The following PRKAG2 variants were observed in gnomAD, a reference collection of about 807,000 sequenced individuals.
The protein encoded by PRKAG2 is protein kinase AMP-activated non-catalytic subunit gamma 2, also known as 5'-AMP-activated protein kinase subunit gamma-2.
A neutral mutation model predicts 69.6 loss-of-function variants in PRKAG2; 26 were observed. That is an observed-to-expected ratio of 0.37 (90% CI 0.27 to 0.52). The LOEUF is 0.52. PRKAG2 is among the 20% of genes least tolerant of loss of function. PRKAG2 has a pLI of 0.90. For missense variants in PRKAG2, 557 were observed against 740.0 expected (o/e 0.75, Z 2.87); for synonymous variants, 293 against 285.0 (o/e 1.03, Z -0.28).
At chr7:151,871,108 C>A (rs1762070395) in intron 1 of PRKAG2, among the ~76,000 whole-genome samples, 1 of 152,172 alleles carries the variant, frequency 6.6e-6, no homozygotes, top group African/African-American at 2.4e-5. Flanking sequence ...GAAACAGTTC[C>A]AGAGACACAC....
At chr7:151,709,679 TTGTG>T (rs1237438918) in intron 3 of PRKAG2, among the ~76,000 whole-genome samples, 1 of 152,124 alleles carries the variant, frequency 6.6e-6, no homozygotes, top group Non-Finnish European at 1.5e-5. Flanking sequence ...ACATGTGACA[TTGTG>T]TGACACACAC....
chr7:151,821,037 C>G (rs1166377567), intron 1 of PRKAG2, among the ~76,000 whole-genome samples: 1 of 152,120 alleles, frequency 6.6e-6, no homozygotes, highest in African/African-American at 2.4e-5. Context: ...GGACCTCAGT[C>G]CCGGCCAGAA....
chr7:151,805,490 G>C (rs1265063908), intron 1 of PRKAG2, among the ~76,000 whole-genome samples: 3 of 152,192 alleles, frequency 2.0e-5, no homozygotes, highest in Non-Finnish European at 4.4e-5. Context: ...TTAAGTTTTG[G>C]GGTGGTTTGT....
At chr7:151,604,160 G>C (rs1816910467) in intron 5 of PRKAG2, among the ~76,000 whole-genome samples, 1 of 152,160 alleles carries the variant, frequency 6.6e-6, no homozygotes, top group Admixed American at 6.5e-5. Flanking sequence ...GGGAGCTGTG[G>C]GAGTGTGGCT....
intron 4 of PRKAG2, among the ~76,000 whole-genome samples, chr7:151,642,259 T>G (rs192551274): frequency 1.9e-3 from 292 of 151,246 alleles, no homozygotes; most frequent in African/African-American, 6.6e-3. Context: ...AGGAGAATGG[T>G]GTGAACATGG....
intron 3 of PRKAG2, among the ~76,000 whole-genome samples, chr7:151,684,745 G>C (rs559250071): frequency 6.6e-6 from 1 of 152,094 alleles, no homozygotes; most frequent in Non-Finnish European, 1.5e-5. Flanking sequence ...CAGTGTGGAG[G>C]TGAGAAATCC....
chr7:151,620,594 C>T (rs1821258028), intron 5 of PRKAG2, among the ~76,000 whole-genome samples: 1 of 152,064 alleles, frequency 6.6e-6, no homozygotes, highest in Non-Finnish European at 1.5e-5. Context: ...CCTCCTGTCT[C>T]AGCCTCCTGA....
In PRKAG2 at chr7:151,567,378, G is replaced by T. The variant is rs926783889; in HGVS notation, c.1233+1338C>A. Among the ~76,000 whole-genome samples the T allele has an allele frequency of 1.3e-5, 2 of 152,194 alleles. No individual in the cohort carries two copies. Among genetic ancestry groups the T allele is most frequent in the African/African-American group, 4.8e-5 (2 of 41,442 alleles). On this transcript the variant is annotated intron_variant, in intron 11 of 15. Coordinates refer to ENST00000287878, the MANE Select transcript of PRKAG2 (RefSeq NM_016203.4). This position sits in a 1 kb window ranked among gnomAD's most constrained non-coding sequence, Gnocchi z 4.2. ...AAAATACCTACCTGATAGGGTAGCA[G>T]CGAGGATGAGATTATGTCAAGTGCT...
chr7:151,681,755 C>T (rs1833920019), intron 3 of PRKAG2, among the ~76,000 whole-genome samples: 2 of 152,132 alleles, frequency 1.3e-5, no homozygotes, highest in Admixed American at 6.5e-5. Flanking sequence ...ACTGTCCTGA[C>T]TCTATAACCC....
intron 3 of PRKAG2, among the ~76,000 whole-genome samples, chr7:151,709,085 C>T (rs1839105752): frequency 6.6e-6 from 1 of 151,732 alleles, no homozygotes; most frequent in Non-Finnish European, 1.5e-5. Flanking sequence ...GTGACACTGA[C>T]ACGTGATATT....
chr7:151,842,371 T>C (rs773804506), intron 1 of PRKAG2, among the ~76,000 whole-genome samples: 18 of 99,220 alleles, frequency 1.8e-4, no homozygotes, highest in Non-Finnish European at 2.6e-4. Flanking sequence ...GGGATGGTAG[T>C]GATGGTAGGT....
chr7:151,565,915 G>T, intron 11 of PRKAG2, 30 bp from the exon 12 acceptor site: 1 of 1,596,114 alleles, frequency 6.3e-7, no homozygotes, highest in South Asian at 1.1e-5. Context: ...AAACGTTCTA[G>T]ACCCAGAACA....
intron 1 of PRKAG2, among the ~76,000 whole-genome samples, chr7:151,813,462 A>G (rs2078526243): frequency 6.7e-6 from 1 of 149,296 alleles, no homozygotes; most frequent in Non-Finnish European, 1.5e-5. Context: ...GCAGACAGAC[A>G]GCCTCTGGCT....
chr7:151,577,638 AATTATT>A (rs1282493857), intron 6 of PRKAG2, among the ~76,000 whole-genome samples: 1 of 152,192 alleles, frequency 6.6e-6, no homozygotes, highest in East Asian at 1.9e-4. Context: ...TTTCTCTTTG[AATTATT>A]TTAGGAGTGG....
chr7:151,631,668 C>T (rs1359188395), intron 5 of PRKAG2: 2 of 457,214 alleles, frequency 4.4e-6, no homozygotes, highest in South Asian at 1.5e-5. Context: ...CAGATAAGGG[C>T]ACCAGTCTAT....
chr7:151,827,142 A>G (rs2078919666), intron 1 of PRKAG2, among the ~76,000 whole-genome samples: 1 of 152,246 alleles, frequency 6.6e-6, no homozygotes, highest in African/African-American at 2.4e-5. Context: ...GTTCAAAACA[A>G]CAACCACAAA....
At chr7:151,623,363 CAAAAAAAAAA>C (rs71198724) in intron 5 of PRKAG2, among the ~76,000 whole-genome samples, 13 of 36,664 alleles carry the variant, frequency 3.5e-4, no homozygotes, top group African/African-American at 5.9e-4. Context: ...GACTCTGTCT[CAAAAAAAAAA>C]AAAAAAAAAA....
At chr7:151,755,707 G>A (rs2075036393) in intron 3 of PRKAG2, among the ~76,000 whole-genome samples, 2 of 152,210 alleles carry the variant, frequency 1.3e-5, no homozygotes, top group Admixed American at 1.3e-4. Context: ...GGCCTTCGAA[G>A]TCTAAGACAT....
At chr7:151,717,551 T>C (rs1023157699) in intron 3 of PRKAG2, among the ~76,000 whole-genome samples, 4 of 152,180 alleles carry the variant, frequency 2.6e-5, no homozygotes, top group Non-Finnish European at 5.9e-5. Flanking sequence ...AGATGCCTTT[T>C]AAGAGAAGGG....
Sources: allele counts gnomAD v4.1 joint callset (sites outside exome capture counted in the v4.1 genomes callset), GRCh38; gene constraint gnomAD v4.1.1; non-coding constraint Gnocchi (gnomAD v3.1); transcripts MANE v1.5; gene names NCBI Gene and HGNC (gene_info 2026-07-23, HGNC 2026-07-21).